The following CAPRIN2 variants were observed in gnomAD, a reference collection of about 807,000 sequenced individuals.
CAPRIN2 encodes the protein caprin-2.
In CAPRIN2, 66 loss-of-function variants were observed where a neutral mutation model predicts 130.4. The observed-to-expected ratio is 0.51, with a 90% CI of 0.42 to 0.62. The LOEUF (loss-of-function observed/expected upper bound fraction) is 0.62, where lower values mean the gene tolerates loss of function less well. Among genes scored for constraint, CAPRIN2 ranks in the 20% least tolerant of loss-of-function variants. The pLI is 0.00. For synonymous variants in CAPRIN2, 471 were observed against 444.1 expected (o/e 1.06, Z -0.76); for missense variants, 1,185 against 1,246.6 (o/e 0.95, Z 0.74).
At chr12:30,734,849 AACAC>A (rs10557103) in intron 4 of CAPRIN2, 115 bp downstream of exon 5, 8,422 of 612,918 alleles carry the variant, frequency 0.014, 9 homozygotes, top group South Asian at 0.019. Flanking sequence ...CCCCCTCTCT[AACAC>A]ACACACACAC....
At chr12:30,722,519 A>G (rs1437257458) in intron 11 of CAPRIN2, among the ~76,000 whole-genome samples, 4 of 149,618 alleles carry the variant, frequency 2.7e-5, no homozygotes, top group Non-Finnish European at 4.5e-5. Flanking sequence ...AACAGCTAGA[A>G]CAAAAAATGT....
chr12:30,745,280 T>C (rs1165966213), intron 2 of CAPRIN2, among the ~76,000 whole-genome samples: 1 of 152,210 alleles, frequency 6.6e-6, no homozygotes, highest in Admixed American at 6.5e-5. Flanking sequence ...TTATTTCAAA[T>C]CCAGATCGGA....
chr12:30,714,972 A>T, exon 14 of CAPRIN2: 1 of 1,613,562 alleles, frequency 6.2e-7, no homozygotes, highest in Non-Finnish European at 8.5e-7. Flanking sequence ...TATAACCACC[A>T]GGGGACCGAT....
chr12:30,716,206 T>C (rs2057500268), intron 13 of CAPRIN2: 1 of 275,592 alleles, frequency 3.6e-6, no homozygotes, highest in South Asian at 4.5e-5. Context: ...AGCAGCCAGA[T>C]AGTGCCCATC....
At chr12:30,746,496 C>T (rs1376871618) in intron 2 of CAPRIN2, among the ~76,000 whole-genome samples, 3 of 152,114 alleles carry the variant, frequency 2.0e-5, no homozygotes, top group South Asian at 2.1e-4. Context: ...GATGTGTCAA[C>T]GTAGATTCAT....
chr12:30,746,543 T>G (rs187058733), intron 2 of CAPRIN2, among the ~76,000 whole-genome samples: 1 of 152,282 alleles, frequency 6.6e-6, no homozygotes, highest in African/African-American at 2.4e-5. Flanking sequence ...TGAGAGATGG[T>G]GATAGTGGAA....
intron 13 of CAPRIN2, chr12:30,715,429 AT>A: frequency 2.0e-6 from 1 of 502,314 alleles, no homozygotes; most frequent in South Asian, 1.5e-5. Context: ...AAGCACAAAT[AT>A]TGTATACCAC....
In CAPRIN2 at chr12:30,740,456, G is replaced by C. The variant is rs916694607; in HGVS notation, c.570+564C>G. 2.6e-5 allele frequency among the ~76,000 whole-genome samples: 4 copies of C among 152,106 alleles called. No individual in the cohort carries two copies. In the South Asian group the frequency reaches 6.2e-4, roughly 24 times the overall value. ...GAAAAAGTAAAGAATACTTCACTGA[G>C]AAGTGTTTAAGACTTCATATTACTG... On this transcript the variant is annotated intron_variant, in intron 3 of 16. Transcript: ENST00000298892.
At chr12:30,720,590 T>C (rs368146816) in intron 12 of CAPRIN2, 5 of 362,368 alleles carry the variant, frequency 1.4e-5, no homozygotes, top group African/African-American at 8.2e-5. Flanking sequence ...AATGGACATT[T>C]ATTGCACTAG....
chr12:30,715,627 C>T (rs978908028), intron 13 of CAPRIN2: 1 of 336,546 alleles, frequency 3.0e-6, no homozygotes, highest in South Asian at 2.3e-5. Context: ...GTACTTAATG[C>T]CACAGAACTA....
chr12:30,740,162 G>A (rs7958274), intron 3 of CAPRIN2, among the ~76,000 whole-genome samples: 43,424 of 151,946 alleles, frequency 0.29, 6,396 homozygotes, highest in Non-Finnish European at 0.33. Context: ...CCAGCATTTT[G>A]GGAGGCCAAG....
intron 2 of CAPRIN2, among the ~76,000 whole-genome samples, chr12:30,747,009 C>T (rs2070863657): frequency 6.6e-6 from 1 of 152,186 alleles, no homozygotes; most frequent in African/African-American, 2.4e-5. Context: ...CTTCAAAAGA[C>T]ATGCTGACTC....
intron 12 of CAPRIN2, chr12:30,719,125 C>G: frequency 6.2e-7 from 1 of 1,614,104 alleles, no homozygotes. Flanking sequence ...TACTGAACTA[C>G]TACTTGCTGG....
chr12:30,726,212 A>G (rs1227097809), intron 8 of CAPRIN2, 124 bp from the exon 10 acceptor site: 1 of 783,154 alleles, frequency 1.3e-6, no homozygotes, highest in East Asian at 3.3e-5. Flanking sequence ...TCACAGGTAA[A>G]GAATTTTCTC....
intron 3 of CAPRIN2, among the ~76,000 whole-genome samples, chr12:30,737,002 T>G (rs2065134751): frequency 6.6e-6 from 1 of 152,120 alleles, no homozygotes; most frequent in Non-Finnish European, 1.5e-5. Flanking sequence ...CAAAGTATTT[T>G]TGGGTTTTTT....
chr12:30,728,735 A>C (rs1206800003), exon 8 of CAPRIN2: 5 of 1,614,120 alleles, frequency 3.1e-6, no homozygotes, highest in Non-Finnish European at 4.2e-6. Flanking sequence ...ACTTTGGAGA[A>C]ATCTGTGACT....
chr12:30,739,268 T>C (rs113470292), intron 3 of CAPRIN2, among the ~76,000 whole-genome samples: 2,460 of 151,776 alleles, frequency 0.016, 55 homozygotes, highest in African/African-American at 0.057. Context: ...ATGGATGGAG[T>C]TGCAGGCCAT....
chr12:30,735,454 G>A (rs935033214), intron 3 of CAPRIN2, among the ~76,000 whole-genome samples: 5 of 152,246 alleles, frequency 3.3e-5, no homozygotes, highest in Non-Finnish European at 4.4e-5. Flanking sequence ...GTCTAGAACC[G>A]CTAATATCAC....
intron 3 of CAPRIN2, among the ~76,000 whole-genome samples, chr12:30,735,963 A>T (rs982414536): frequency 1.3e-5 from 2 of 152,092 alleles, no homozygotes; most frequent in Non-Finnish European, 2.9e-5. Context: ...CAACATGGCA[A>T]AACCCCATCT....
Sources: allele counts gnomAD v4.1 joint callset (sites outside exome capture counted in the v4.1 genomes callset), GRCh38; gene constraint gnomAD v4.1.1; transcripts MANE v1.5; gene names NCBI Gene and HGNC (gene_info 2026-07-23, HGNC 2026-07-21).